The following KIAA1958 variants were observed in gnomAD, a reference collection of about 807,000 sequenced individuals.
The protein encoded by KIAA1958 is KIAA1958.
In KIAA1958, 14 loss-of-function variants were observed where a neutral mutation model predicts 47.2. That is an observed-to-expected ratio of 0.30 (90% confidence interval 0.20 to 0.46). The LOEUF (loss-of-function observed/expected upper bound fraction) is 0.46, where lower values mean the gene tolerates loss of function less well. Among genes scored for constraint, KIAA1958 ranks in the 20% least tolerant of loss-of-function variants. The probability of loss-of-function intolerance (pLI) is 1.00; values close to 1 mark genes in which losing one functional copy is unlikely to be tolerated. For synonymous variants in KIAA1958, 354 were observed against 353.3 expected, an observed-to-expected ratio of 1.00 and a Z score of -0.02; for missense variants, 803 against 909.2, an observed-to-expected ratio of 0.88 and a Z score of 1.50.
chr9:112,659,413 A>G lies in KIAA1958; in HGVS notation c.1495A>G (p.Thr499Ala), dbSNP rs1454850338. The change falls in exon 4 of 4, where the codon ACC (threonine) becomes GCC (alanine). Residue 499 changes from threonine to alanine, a missense_variant. By Grantham distance (58) the Thr-to-Ala change is moderately conservative. Around this residue, in one of 2 missense-constraint regions of KIAA1958, gnomAD observed 761 missense variants for 829.3 expected, o/e 0.92. Transcript: ENST00000337530. ...GAATGCAGGTGTCGGCTTTTCCATC[A>G]CCAGCAGCACCTTCAGCTCCTCCAC... ...LKNAGVGFSI[T>A]SSTFSSSTKK... 1.2e-6 allele frequency: 2 copies of G among 1,614,014 alleles called. No homozygotes were observed. Among genetic ancestry groups the G allele is most frequent in the African/African-American group, 2.7e-5 (2 of 74,918 alleles).
intron 2 of KIAA1958, among the ~76,000 whole-genome samples, chr9:112,601,256 CCAGT>C (rs754490857): frequency 1.3e-5 from 2 of 152,084 alleles, no homozygotes; most frequent in African/African-American, 2.4e-5. Flanking sequence ...AATAATAGGA[CCAGT>C]CAGTCCAGCA....
At chr9:112,635,214 TTGTGTGTGTGTG>T (rs71999105) in intron 2 of KIAA1958, among the ~76,000 whole-genome samples, 3,278 of 130,416 alleles carry the variant, frequency 0.025, 116 homozygotes, top group African/African-American at 0.085. Context: ...ATTCTTTATT[TTGTGTGTGTGTG>T]TGTGTGTGTG....
intron 1 of KIAA1958, among the ~76,000 whole-genome samples, chr9:112,556,717 T>C (rs1034230216): frequency 3.3e-5 from 5 of 152,220 alleles, no homozygotes; most frequent in African/African-American, 9.6e-5. Flanking sequence ...CGATGCATAC[T>C]TGTTGAAAGA....
At chr9:112,558,672 CA>C (rs1284726478) in intron 1 of KIAA1958, among the ~76,000 whole-genome samples, 1 of 152,148 alleles carries the variant, frequency 6.6e-6, no homozygotes, top group Non-Finnish European at 1.5e-5. Flanking sequence ...CCAACATTGT[CA>C]CTGACTCACC....
intron 1 of KIAA1958, among the ~76,000 whole-genome samples, chr9:112,528,013 G>A (rs1456756744): frequency 2.0e-5 from 3 of 151,560 alleles, no homozygotes; most frequent in African/African-American, 7.3e-5. Context: ...CAAATCTGCC[G>A]ATATTATCTT....
chr9:112,488,708 A>G (rs958439806), intron 1 of KIAA1958, among the ~76,000 whole-genome samples: 1 of 152,236 alleles, frequency 6.6e-6, no homozygotes, highest in African/African-American at 2.4e-5. Context: ...AAAAACGTGG[A>G]AAATTATGTA....
intron 2 of KIAA1958, among the ~76,000 whole-genome samples, chr9:112,641,607 G>A (rs754921488): frequency 4.6e-5 from 7 of 151,442 alleles, no homozygotes; most frequent in Non-Finnish European, 1.0e-4. Context: ...TATATTATTT[G>A]TTTCATCCTT....
At chr9:112,605,063 A>G (rs1357363684) in intron 2 of KIAA1958, among the ~76,000 whole-genome samples, 1 of 147,802 alleles carries the variant, frequency 6.8e-6, no homozygotes, top group Admixed American at 6.8e-5. Context: ...TATATTATAT[A>G]TATAAATTTG....
At chr9:112,497,662 G>C (rs1377138710) in intron 1 of KIAA1958, among the ~76,000 whole-genome samples, 1 of 151,926 alleles carries the variant, frequency 6.6e-6, no homozygotes, top group East Asian at 1.9e-4. Context: ...TATGTGCTAG[G>C]TTCAATACAG....
chr9:112,666,640 T>G lies in KIAA1958; in HGVS notation c.*6571T>G, dbSNP rs1277943916. ...AGAATCTAGAAGGAATTGATGTAAT[T>G]TATGAGGCATATGGAGGTAGCTTGG... On this transcript the variant is annotated 3_prime_UTR_variant, in exon 4 of 4. Transcript: ENST00000337530. 6.6e-6 allele frequency: 1 copy of G among 152,198 alleles called. No individual in the cohort carries two copies. Among genetic ancestry groups the G allele is most frequent in the African/African-American group, 2.4e-5 (1 of 41,456 alleles). The allele number at this position is 152,198 out of a possible 1,614,324, so 9.4% of individuals were successfully genotyped here.
chr9:112,496,792 C>A (rs571410236), intron 1 of KIAA1958, among the ~76,000 whole-genome samples: 12 of 152,188 alleles, frequency 7.9e-5, no homozygotes, highest in Non-Finnish European at 1.6e-4. Flanking sequence ...GATACAATTT[C>A]ACTTAAAAAA....
intron 3 of KIAA1958, among the ~76,000 whole-genome samples, chr9:112,648,772 A>T (rs1374998492): frequency 6.6e-6 from 1 of 152,250 alleles, no homozygotes; most frequent in Non-Finnish European, 1.5e-5. Context: ...AAGTTTCAGA[A>T]TATGTATAGT....
At chr9:112,586,270 A>G (rs1835820595) in intron 2 of KIAA1958, among the ~76,000 whole-genome samples, 1 of 152,228 alleles carries the variant, frequency 6.6e-6, no homozygotes, top group South Asian at 2.1e-4. Flanking sequence ...AAAAGTGTAG[A>G]GGCTAACCCA....
chr9:112,642,492 A>G (rs1277214713), intron 2 of KIAA1958, among the ~76,000 whole-genome samples: 1 of 152,122 alleles, frequency 6.6e-6, no homozygotes, highest in Non-Finnish European at 1.5e-5. Context: ...TCCACAGCAA[A>G]TATCCCTCAC....
At chr9:112,650,293 G>A (rs1347431733) in intron 3 of KIAA1958, among the ~76,000 whole-genome samples, 1 of 152,068 alleles carries the variant, frequency 6.6e-6, no homozygotes, top group African/African-American at 2.4e-5. Flanking sequence ...ATACCATACA[G>A]AAACAAGGAT....
intron 3 of KIAA1958, among the ~76,000 whole-genome samples, chr9:112,653,659 G>A (rs965396078): frequency 1.3e-5 from 2 of 152,174 alleles, no homozygotes; most frequent in African/African-American, 4.8e-5. Context: ...CCAACACTTT[G>A]GGAGGCCAAG....
chr9:112,530,790 TGG>T (rs2132810615), intron 1 of KIAA1958, among the ~76,000 whole-genome samples: 1 of 152,266 alleles, frequency 6.6e-6, no homozygotes, highest in Non-Finnish European at 1.5e-5. Context: ...ATATTCTGAG[TGG>T]TAAGATTGCT....
At position 112,659,636 on chromosome 9, in the gene KIAA1958, A is replaced by G; in HGVS notation, c.1718A>G (p.Gln573Arg). The change falls in exon 4 of 4, where the codon CAG (glutamine) becomes CGG (arginine). Residue 573 changes from glutamine (Q) to arginine (R), a missense_variant. Around this residue, in one of 2 missense-constraint regions of KIAA1958, gnomAD observed 761 missense variants for 829.3 expected, o/e 0.92. Transcript: ENST00000337530. ...NSQYLNMRTL[Q>R]EHADLMYGDI... ...CAGTACCTGAACATGCGGACGCTGC[A>G]GGAGCATGCGGATCTGATGTATGGT... 6.2e-7 allele frequency: 1 copy of G among 1,614,152 alleles called. No homozygotes were observed. The highest frequency in any genetic ancestry group is 8.5e-7 in the Non-Finnish European group (1 of 1,179,968).
intron 2 of KIAA1958, 65 bp downstream of exon 2, chr9:112,575,316 C>T: frequency 9.1e-7 from 1 of 1,096,910 alleles, no homozygotes; most frequent in African/African-American, 1.6e-5. Flanking sequence ...GCCGTCAGCA[C>T]TTCTAAAACC....
Sources: gnomAD v4.1 joint callset for allele counts (sites outside exome capture counted in the v4.1 genomes callset) on GRCh38, gnomAD v4.1.1 for gene constraint, gnomAD v4.1.1 regional missense constraint, MANE v1.5 for transcripts, NCBI Gene and HGNC (gene_info 2026-07-23, HGNC 2026-07-21) for gene names.